The following INPP5A variants were observed in gnomAD, a reference collection of about 807,000 sequenced individuals.
INPP5A encodes inositol polyphosphate-5-phosphatase A, also known as 43 kDa inositol polyphosphate 5-phophatase.
INPP5A carries 14 observed loss-of-function variants against 65.2 expected under a neutral mutation model. The ratio of observed to expected loss-of-function variants is 0.21; its 90% CI spans 0.14 to 0.34. INPP5A has a LOEUF of 0.34. Among genes scored for constraint, INPP5A ranks in the 10% least tolerant of loss-of-function variants. INPP5A has a pLI of 1.00. For synonymous variants in INPP5A, 207 were observed against 208.3 expected, an observed-to-expected ratio of 0.99 and a Z score of 0.05; for missense variants, 431 against 545.6, an observed-to-expected ratio of 0.79 and a Z score of 2.09.
At chr10:132,607,546 C>T (rs1006123350) in intron 1 of INPP5A, among the ~76,000 whole-genome samples, 2 of 152,240 alleles carry the variant, frequency 1.3e-5, no homozygotes, top group South Asian at 4.1e-4. Flanking sequence ...AAGGTGCCAC[C>T]GTCTTGCTTG....
chr10:132,730,623 G>A (rs916518347), intron 9 of INPP5A, among the ~76,000 whole-genome samples: 1 of 152,220 alleles, frequency 6.6e-6, no homozygotes, highest in Non-Finnish European at 1.5e-5. Flanking sequence ...AAGTCAGGAA[G>A]GGAAAGAAAA....
chr10:132,751,381 C>G (rs1294222694), intron 11 of INPP5A, among the ~76,000 whole-genome samples: 4 of 152,244 alleles, frequency 2.6e-5, no homozygotes, highest in African/African-American at 9.6e-5. Context: ...TCCATCCAGG[C>G]AGGCTGGGTT....
chr10:132,738,503 C>T (rs1846216717), intron 9 of INPP5A, among the ~76,000 whole-genome samples: 1 of 152,176 alleles, frequency 6.6e-6, no homozygotes, highest in South Asian at 2.1e-4. Flanking sequence ...CTTCTGCCGC[C>T]GGGCAGGGCC....
intron 11 of INPP5A, among the ~76,000 whole-genome samples, chr10:132,752,985 A>G (rs2134645923): frequency 6.6e-6 from 1 of 152,224 alleles, no homozygotes; most frequent in East Asian, 1.9e-4. Context: ...CTGTGTCGAT[A>G]CGTCGGGAGT....
At chr10:132,597,790 CCGGGG>C (rs1216215292) in intron 1 of INPP5A, among the ~76,000 whole-genome samples, 30 of 136,426 alleles carry the variant, frequency 2.2e-4, no homozygotes, top group South Asian at 7.6e-4. Flanking sequence ...GGTGCGTGTT[CCGGGG>C]CTGTGCTACG....
At position 132,659,218 on chromosome 10, in the gene INPP5A, TG is replaced by T. The variant is rs1212963864; in HGVS notation, c.306+8717del. ...AGGCACAGGGGTTCAGATTGAGGCCTGGGGCTGAGGAAGCAGGAAGTCCTGT... is the reference window on the plus strand; with the variant it reads ...AGGCACAGGGGTTCAGATTGAGGCCTGGGCTGAGGAAGCAGGAAGTCCTGT... On this transcript the variant is annotated intron_variant, in intron 4 of 15. Coordinates refer to ENST00000368594, the MANE Select transcript of INPP5A (RefSeq NM_005539.5). The surrounding 1 kb of genome is among the most constrained non-coding windows in gnomAD (Gnocchi z 5.5). Among the ~76,000 whole-genome samples, 8 of 152,310 alleles carry T rather than the reference TG, an allele frequency of 5.3e-5. No individual in the cohort carries two copies. The South Asian group carries it at 1.2e-3, about 24-fold the overall frequency.
chr10:132,749,643 G>A (rs201098272), intron 10 of INPP5A, 31 bp downstream of exon 10: 82 of 1,606,036 alleles, frequency 5.1e-5, no homozygotes, highest in African/African-American at 2.0e-4. Context: ...GGCAGGTGAC[G>A]CACGGGGCCT....
chr10:132,685,338 G>A (rs1240213419), intron 4 of INPP5A, among the ~76,000 whole-genome samples: 1 of 152,240 alleles, frequency 6.6e-6, no homozygotes, highest in Non-Finnish European at 1.5e-5. Flanking sequence ...CCCGCGACGC[G>A]GTTGGAACCA....
In INPP5A at chr10:132,781,841, G is replaced by T. The variant is rs768492349; in HGVS notation, c.1159-20G>T. The T allele has an allele frequency of 1.2e-6, 2 of 1,609,104 alleles. No homozygotes were observed. The highest frequency in any genetic ancestry group is 4.5e-5 in the East Asian group (2 of 44,860). On this transcript the variant is annotated intron_variant, in intron 14 of 15. Coordinates refer to ENST00000368594, the MANE Select transcript of INPP5A (RefSeq NM_005539.5). Reference sequence around the variant, plus strand: ...GTCCCGCGTGCGCCGTGCTGACACCGTCCTCTCTTCCTGCTGCAGCCCGTG... The same window carrying T: ...GTCCCGCGTGCGCCGTGCTGACACCTTCCTCTCTTCCTGCTGCAGCCCGTG...
At position 132,676,116 on chromosome 10, in the gene INPP5A, GTTATT is replaced by G. The variant is rs1469227456; in HGVS notation, c.307-14272_307-14268del. ...ATAACAAATTTCATAATTAAAACTA[GTTATT>G]TTAAGACTGATATTTTTCTTTGTTC... On this transcript the variant is annotated intron_variant, in intron 4 of 15. Transcript: ENST00000368594. The surrounding 1 kb of genome is among the most constrained non-coding windows in gnomAD (Gnocchi z 4.0). Among the ~76,000 whole-genome samples the G allele has an allele frequency of 2.0e-5, 3 of 152,162 alleles. No homozygotes were observed. Among genetic ancestry groups the G allele is most frequent in the East Asian group, 3.9e-4 (2 of 5,190 alleles).
chr10:132,628,719 CT>C (rs1377922143), intron 2 of INPP5A, among the ~76,000 whole-genome samples: 2 of 152,126 alleles, frequency 1.3e-5, no homozygotes, highest in African/African-American at 4.8e-5. Context: ...ATAAAGAACT[CT>C]TATAAATGAA....
At chr10:132,718,954 C>G (rs569423118) in intron 8 of INPP5A, among the ~76,000 whole-genome samples, 3 of 148,898 alleles carry the variant, frequency 2.0e-5, no homozygotes, top group African/African-American at 7.5e-5. Flanking sequence ...GTCTGGGCGC[C>G]TTAGACGACT....
chr10:132,779,382 G>A (rs913043646), intron 13 of INPP5A, among the ~76,000 whole-genome samples: 5 of 152,270 alleles, frequency 3.3e-5, no homozygotes, highest in Admixed American at 3.3e-4. Flanking sequence ...CCGGGGACTC[G>A]GGCACAGATG....
chr10:132,780,711 G>A, intron 13 of INPP5A, 138 bp from the exon 14 acceptor site: 2 of 754,524 alleles, frequency 2.7e-6, no homozygotes, highest in South Asian at 1.5e-5. Context: ...GGGTGGCAGA[G>A]GCTGGGGAGG....
chr10:132,711,168 G>A (rs968428715), intron 8 of INPP5A, among the ~76,000 whole-genome samples: 6 of 152,308 alleles, frequency 3.9e-5, no homozygotes, highest in South Asian at 4.1e-4. Flanking sequence ...CAGTGGGAGC[G>A]TGGGGGCCAC....
chr10:132,688,450 C>T (rs1845178713), intron 4 of INPP5A, among the ~76,000 whole-genome samples: 1 of 152,252 alleles, frequency 6.6e-6, no homozygotes, highest in South Asian at 2.1e-4. Flanking sequence ...AGGTGATGTT[C>T]AGGCATTGCC....
chr10:132,772,963 C>T (rs1272506959), intron 12 of INPP5A, among the ~76,000 whole-genome samples: 2 of 152,266 alleles, frequency 1.3e-5, no homozygotes, highest in African/African-American at 2.4e-5. Context: ...CGAGCCGCCG[C>T]TGCGCACAGC....
rs1320814238 is a variant in INPP5A, at chr10:132,550,566, C to G, written c.75+12395C>G. 1.3e-5 allele frequency among the ~76,000 whole-genome samples: 2 copies of G among 152,236 alleles called. No homozygotes were observed. The highest frequency in any genetic ancestry group is 2.4e-5 in the African/African-American group (1 of 41,454). The stretch of plus-strand genomic sequence containing the variant: ...GTGTCCCTTGACGTGCTGAGAGGGC[C>G]TGGCTGTGAGCCGCATGGTACGAAC... On this transcript the variant is annotated intron_variant, in intron 1 of 15. Coordinates refer to ENST00000368594, the MANE Select transcript of INPP5A (RefSeq NM_005539.5). This position sits in a 1 kb window ranked among gnomAD's most constrained non-coding sequence, Gnocchi z 4.2.
At chr10:132,739,999 G>A (rs1590972708) in intron 9 of INPP5A, among the ~76,000 whole-genome samples, 1 of 152,232 alleles carries the variant, frequency 6.6e-6, no homozygotes, top group South Asian at 2.1e-4. Context: ...TCCCCAGGAC[G>A]AAGCAGGTTT....
Sources: allele counts gnomAD v4.1 joint callset (sites outside exome capture counted in the v4.1 genomes callset), GRCh38; gene constraint gnomAD v4.1.1; non-coding constraint Gnocchi (gnomAD v3.1); transcripts MANE v1.5; gene names NCBI Gene and HGNC (gene_info 2026-07-23, HGNC 2026-07-21).